The following CLVS1 variants were observed in gnomAD, a reference collection of about 807,000 sequenced individuals.
The protein encoded by CLVS1 is clavesin-1.
Under a neutral mutation model 33.1 loss-of-function variants are expected in CLVS1, and 10 were observed. That is an observed-to-expected ratio of 0.30 (90% CI 0.19 to 0.51). The LOEUF (loss-of-function observed/expected upper bound fraction) is 0.51. CLVS1 is among the 20% of genes least tolerant of loss of function. The pLI is 0.97. For missense variants in CLVS1, 343 were observed against 433.4 expected (o/e 0.79, Z 1.85); for synonymous variants, 163 against 166.1 (o/e 0.98, Z 0.14).
chr8:61,047,202 A>G, the CLVS1 span, among the ~76,000 whole-genome samples: 1 of 152,230 alleles, frequency 6.6e-6, no homozygotes, highest in Non-Finnish European at 1.5e-5. Flanking sequence ...AAACACATGA[A>G]AAAATGCTCA....
chr8:61,346,392 A>G lies in CLVS1; in HGVS notation c.456-30213A>G, dbSNP rs190804174. 4.6e-5 allele frequency among the ~76,000 whole-genome samples: 7 copies of G among 152,266 alleles called. No homozygotes were observed. The East Asian group carries it at 1.4e-3, about 29-fold the overall frequency. ...GCAAGGAGACTTCACACAGAGAAGC[A>G]GAGGTCGCAGTTGAGGAAACTAAAT... On this transcript the variant is annotated intron_variant, in intron 2 of 5. Transcript: ENST00000325897.
chr8:60,989,023 C>A, the CLVS1 span, among the ~76,000 whole-genome samples: 1 of 152,060 alleles, frequency 6.6e-6, no homozygotes, highest in Non-Finnish European at 1.5e-5. Flanking sequence ...GGCCACCATG[C>A]CAGCTAATTA....
intron 2 of CLVS1, among the ~76,000 whole-genome samples, chr8:61,218,850 A>ATT (rs1808148540): frequency 6.6e-6 from 1 of 151,442 alleles, no homozygotes; most frequent in African/African-American, 2.4e-5. Flanking sequence ...AGACTGAGGC[A>ATT]GGATAACCGC....
intron 5 of CLVS1, among the ~76,000 whole-genome samples, chr8:61,483,904 T>C (rs142853411): frequency 0.027 from 4,130 of 152,320 alleles, 80 homozygotes; most frequent in South Asian, 0.065. Context: ...ACAACCTTCA[T>C]GCTGAAAACT....
chr8:61,360,676 T>C (rs1164822411), intron 2 of CLVS1, among the ~76,000 whole-genome samples: 1 of 152,232 alleles, frequency 6.6e-6, no homozygotes, highest in Non-Finnish European at 1.5e-5. Context: ...AAGTATGATG[T>C]TTTCTTCTTG....
intron 5 of CLVS1, among the ~76,000 whole-genome samples, chr8:61,480,972 C>A (rs1222823359): frequency 2.6e-5 from 4 of 152,070 alleles, no homozygotes; most frequent in African/African-American, 9.7e-5. Context: ...TGGAGTCATC[C>A]AGAGCTGGGA....
At chr8:61,035,185 TTC>T in the CLVS1 span, among the ~76,000 whole-genome samples, 1 of 89,240 alleles carries the variant, frequency 1.1e-5, no homozygotes, top group South Asian at 3.4e-4. Context: ...CTTTTCTTTT[TTC>T]TTTTTTTTTT....
chr8:61,007,853 C>T, the CLVS1 span, among the ~76,000 whole-genome samples: 1 of 152,126 alleles, frequency 6.6e-6, no homozygotes, highest in East Asian at 1.9e-4. Context: ...TGTGGCAGGG[C>T]CATGCGCTCG....
intron 2 of CLVS1, among the ~76,000 whole-genome samples, chr8:61,185,158 T>C (rs2129301454): frequency 6.6e-6 from 1 of 152,058 alleles, no homozygotes; most frequent in South Asian, 2.1e-4. Flanking sequence ...TGTTTTTGTT[T>C]TTTGTGACAA....
Position 61,480,916 on chromosome 8 carries a change from C to T in CLVS1, c.978-18539C>T, listed in dbSNP as rs73685060. ...CTCTCTATTCTTGGGTAGTGTGATC[C>T]GCACTTCTCAGCTGCTCTGAAGCTG... On this transcript the variant is annotated intron_variant, in intron 5 of 5. Coordinates refer to ENST00000325897, the MANE Select transcript of CLVS1 (RefSeq NM_173519.3). Among the ~76,000 whole-genome samples the T allele has an allele frequency of 2.0e-3, 303 of 152,054 alleles. 3 individuals are homozygous for T. The highest frequency in any genetic ancestry group is 6.8e-3 in the Middle Eastern group (2 of 294).
At chr8:61,278,055 G>GT (rs1035695017) in intron 2 of CLVS1, among the ~76,000 whole-genome samples, 2 of 152,166 alleles carry the variant, frequency 1.3e-5, no homozygotes, top group Non-Finnish European at 2.9e-5. Context: ...TCTAATGGTG[G>GT]TTTGGCAGGT....
At chr8:61,384,774 T>G (rs1041028305) in intron 3 of CLVS1, among the ~76,000 whole-genome samples, 1 of 151,956 alleles carries the variant, frequency 6.6e-6, no homozygotes, top group African/African-American at 2.4e-5. Context: ...GAAAAGACCA[T>G]TCAGAAAAAA....
At chr8:61,025,620 C>T in the CLVS1 span, among the ~76,000 whole-genome samples, 116 of 152,318 alleles carry the variant, frequency 7.6e-4, 2 homozygotes, top group South Asian at 0.023. Context: ...GCAAACCCTT[C>T]GAAATATCCT....
At chr8:61,469,940 C>T (rs548170848) in intron 5 of CLVS1, among the ~76,000 whole-genome samples, 1 of 152,312 alleles carries the variant, frequency 6.6e-6, no homozygotes, top group Non-Finnish European at 1.5e-5. Context: ...GCTACTCAAG[C>T]AGCTAATGCC....
chr8:61,143,078 T>C (rs868633709), intron 2 of CLVS1, among the ~76,000 whole-genome samples: 124 of 152,250 alleles, frequency 8.1e-4, no homozygotes, highest in African/African-American at 2.8e-3. Flanking sequence ...GATCATAATC[T>C]TTAGATTCGA....
intron 3 of CLVS1, among the ~76,000 whole-genome samples, chr8:61,448,415 G>A (rs1260083363): frequency 3.3e-5 from 5 of 151,988 alleles, no homozygotes; most frequent in Admixed American, 3.3e-4. Flanking sequence ...CAAAAAGGAA[G>A]GTTTCTTCAT....
chr8:60,986,785 A>G, the CLVS1 span, among the ~76,000 whole-genome samples: 3 of 152,222 alleles, frequency 2.0e-5, no homozygotes, highest in Non-Finnish European at 4.4e-5. Flanking sequence ...ATATCCTGCC[A>G]TAAGCTTATG....
intron 3 of CLVS1, among the ~76,000 whole-genome samples, chr8:61,397,471 G>A (rs1460739507): frequency 6.6e-6 from 1 of 151,966 alleles, no homozygotes; most frequent in Non-Finnish European, 1.5e-5. Flanking sequence ...CATTCTGTAG[G>A]TTGTCTTTTT....
rs4033855 is a variant in CLVS1 at position 61,122,569 on chromosome 8, AACACACACACACACACACACAC to A, written c.-242-9179_-242-9158del. ...GAATGACATCAGCCTATATTAAGAA[AACACACACACACACACACACAC>A]ACACACACACACACACACACAAGAA... is the stretch of plus-strand genomic sequence containing the variant. On this transcript the variant is annotated intron_variant, in intron 1 of 2. Transcript: ENST00000522621. Among the ~76,000 whole-genome samples the A allele has an allele frequency of 4.7e-3, 684 of 144,642 alleles. 7 individuals carry two copies. The highest frequency in any genetic ancestry group is 0.016 in the African/African-American group (634 of 39,084). 94.9% of individuals were successfully genotyped at this position (144,642 alleles called of 152,430 possible).
Sources: allele counts gnomAD v4.1 joint callset (sites outside exome capture counted in the v4.1 genomes callset), GRCh38; gene constraint gnomAD v4.1.1; transcripts MANE v1.5; gene names NCBI Gene and HGNC (gene_info 2026-07-23, HGNC 2026-07-21).